DCP2: variants seen among roughly 807,000 people sequenced by gnomAD.
The protein encoded by DCP2 is m7GpppN-mRNA hydrolase.
A neutral mutation model predicts 56.1 loss-of-function variants in DCP2; 30 were observed. The ratio of observed to expected loss-of-function variants is 0.53; its 90% confidence interval spans 0.40 to 0.73. DCP2 has a LOEUF of 0.73. Ranked by LOEUF, DCP2 falls within the 30% of genes least tolerant of loss-of-function variation. DCP2 has a pLI of 0.00. For missense variants in DCP2, 533 were observed against 502.7 expected (o/e 1.06, Z -0.58); for synonymous variants, 197 against 163.3 (o/e 1.21, Z -1.57).
intron 1 of DCP2, among the ~76,000 whole-genome samples, chr5:112,980,656 T>A (rs575764111): frequency 6.6e-6 from 1 of 152,364 alleles, no homozygotes; most frequent in African/African-American, 2.4e-5. Flanking sequence ...TCAGCTCTTA[T>A]AAACTTAAGT....
chr5:112,991,432 C>G (rs1748582427), intron 2 of DCP2, among the ~76,000 whole-genome samples: 1 of 152,072 alleles, frequency 6.6e-6, no homozygotes, highest in African/African-American at 2.4e-5. Flanking sequence ...TTTACACTGC[C>G]CAGTTTTGGG....
At chr5:112,979,681 T>G (rs1253645786) in intron 1 of DCP2, among the ~76,000 whole-genome samples, 1 of 152,226 alleles carries the variant, frequency 6.6e-6, no homozygotes, top group Non-Finnish European at 1.5e-5. Flanking sequence ...AAAATGTGAC[T>G]TTGTAACCTT....
chr5:112,988,883 G>A (rs551927179), intron 2 of DCP2, among the ~76,000 whole-genome samples: 1 of 152,152 alleles, frequency 6.6e-6, no homozygotes, highest in Admixed American at 6.5e-5. Flanking sequence ...CATACTTTAG[G>A]GTTTTGGATA....
chr5:112,998,690 A>T (rs866125241), intron 4 of DCP2, among the ~76,000 whole-genome samples: 1 of 152,234 alleles, frequency 6.6e-6, no homozygotes, highest in African/African-American at 2.4e-5. Context: ...GATTAATTCA[A>T]AGAATAGACT....
chr5:112,987,673 C>T (rs1298750406), intron 2 of DCP2, among the ~76,000 whole-genome samples: 1 of 126,644 alleles, frequency 7.9e-6, no homozygotes, highest in Non-Finnish European at 1.6e-5. Context: ...GGGGTTTTGC[C>T]ATGCTGGCCA....
At chr5:113,012,623 A>AT (rs1580839272) in intron 10 of DCP2, among the ~76,000 whole-genome samples, 2 of 151,712 alleles carry the variant, frequency 1.3e-5, no homozygotes, top group East Asian at 1.9e-4. Flanking sequence ...GAAAATTTGG[A>AT]TTTTTCTTTT....
intron 4 of DCP2, among the ~76,000 whole-genome samples, chr5:112,997,847 T>C (rs1748938571): frequency 6.6e-6 from 1 of 152,140 alleles, no homozygotes; most frequent in South Asian, 2.1e-4. Context: ...ACTCCTGACC[T>C]CGTGATCCAC....
At position 113,017,520 on chromosome 5, in the gene DCP2, T is replaced by G. The variant is rs1323441745; in HGVS notation, c.*4036T>G. The G allele has an allele frequency of 6.6e-6, 1 of 152,208 alleles. No individual in the cohort carries two copies. Among genetic ancestry groups the G allele is most frequent in the Non-Finnish European group, 1.5e-5 (1 of 68,030 alleles). The allele number at this position is 152,208 out of a possible 1,614,324, so 9.4% of individuals were successfully genotyped here. On this transcript the variant is annotated 3_prime_UTR_variant, in exon 11 of 11. Transcript: ENST00000389063. ...GCTTTCTCAGCATCTTTTTGCTTCC[T>G]AGAATTGAGTTGCTCTTGAAGTCTG...
At position 112,985,847 on chromosome 5, in the gene DCP2, G is replaced by C; in HGVS notation, c.66G>C (p.Leu22Phe). The change falls in exon 2 of 11, where the codon TTG (leucine) becomes TTC (phenylalanine). Residue 22 changes from leucine (L) to phenylalanine (F), a missense_variant. Leu to Phe is a conservative substitution (Grantham distance 22). Around this residue, in one of 3 missense-constraint regions of DCP2, gnomAD observed 137 missense variants for 138.2 expected, o/e 0.99. Transcript: ENST00000389063. ...VLDDLCSRFI[L>F]HIPSEERDNA... ...TTGTTTTTGACAGCCGATTTATTTT[G>C]CATATTCCCAGCGAGGAAAGAGACA... 1 of 1,603,896 alleles carries C rather than the reference G, an allele frequency of 6.2e-7. No homozygotes were observed. The highest frequency in any genetic ancestry group is 8.5e-7 in the Non-Finnish European group (1 of 1,171,494).
intron 1 of DCP2, among the ~76,000 whole-genome samples, chr5:112,977,400 A>G (rs1187957262): frequency 6.6e-6 from 1 of 152,148 alleles, no homozygotes; most frequent in Admixed American, 6.5e-5. Flanking sequence ...TTCTGAAGGA[A>G]GACCCCCAGG....
At chr5:112,987,620 C>CTTTTT (rs562254738) in intron 2 of DCP2, among the ~76,000 whole-genome samples, 2,863 of 69,506 alleles carry the variant, frequency 0.041, 216 homozygotes, top group African/African-American at 0.073. Context: ...ACCTAGGTGC[C>CTTTTT]TTTTTTTTTT....
At chr5:112,977,039 G>A in intron 1 of DCP2, 53 bp downstream of exon 1, 1 of 1,428,660 alleles carries the variant, frequency 7.0e-7, no homozygotes, top group Non-Finnish European at 9.3e-7. Flanking sequence ...TCAGTTTCGC[G>A]GACCCCCAGA....
chr5:112,988,969 T>TA lies in DCP2; in HGVS notation c.205+2984dup, dbSNP rs138897982. ...AAACACCAACAACCTTTGTTTTAGGTATGTTTCATTTAGTTAACTAAGAAT... is the reference window on the plus strand; with the variant it reads ...AAACACCAACAACCTTTGTTTTAGGTAATGTTTCATTTAGTTAACTAAGAAT... On this transcript the variant is annotated intron_variant, in intron 2 of 10. Coordinates refer to ENST00000389063, the MANE Select transcript of DCP2 (RefSeq NM_152624.6). Among the ~76,000 whole-genome samples, 1,212 of 152,338 alleles carry TA rather than the reference T, an allele frequency of 8.0e-3. 13 individuals are homozygous for TA. Among genetic ancestry groups the TA allele is most frequent in the African/African-American group, 0.028 (1,173 of 41,566 alleles).
chr5:113,011,424 T>C (rs994442834), intron 10 of DCP2, among the ~76,000 whole-genome samples: 8 of 152,236 alleles, frequency 5.3e-5, no homozygotes, highest in Non-Finnish European at 1.5e-5. Flanking sequence ...CTTTGTTAAA[T>C]ACTGATTTAG....
In DCP2 at chr5:113,003,995, AC is replaced by A; in HGVS notation, c.862del (p.Gln288SerfsTer3). 1 of 1,614,152 alleles carries A rather than the reference AC, an allele frequency of 6.2e-7. No homozygotes were observed. Among genetic ancestry groups the A allele is most frequent in the Non-Finnish European group, 8.5e-7 (1 of 1,179,990 alleles). ...QQLFPDGSPG[D>X]QWVKHRQPLQ... ...TTATTTCCTGACGGTTCTCCTGGTG[AC>A]CAGTGGGTAAAGCACAGGCAACCAC... On this transcript the variant is annotated frameshift_variant, in exon 8 of 11. Transcript: ENST00000389063. LOFTEE classifies it high-confidence loss of function.
chr5:113,010,762 G>A lies in DCP2; in HGVS notation c.1054G>A (p.Glu352Lys), dbSNP rs1749651104. The A allele has an allele frequency of 6.3e-7, 1 of 1,581,342 alleles. No individual in the cohort carries two copies. The highest frequency in any genetic ancestry group is 8.6e-7 in the Non-Finnish European group (1 of 1,168,626). The change falls in exon 10 of 11, where the codon GAA (glutamate) becomes AAA (lysine). Residue 352 changes from glutamate to lysine, a missense_variant. Physicochemically the swap from Glu to Lys is moderately conservative, Grantham distance 56. Around this residue, in one of 3 missense-constraint regions of DCP2, gnomAD observed 392 missense variants for 346.6 expected, o/e 1.13. Coordinates refer to ENST00000389063, the MANE Select transcript of DCP2 (RefSeq NM_152624.6). ...AKQQNSLMKC[E>K]KKLHPRKLQD... ...TTTTTTTTTTTTTAAATAGAAGTGT[G>A]AAAAGAAACTTCATCCACGGAAACT...
Position 113,021,409 on chromosome 5 carries a change from C to CAGGA in DCP2, c.*7928_*7931dup. Among the ~76,000 whole-genome samples, 1 of 149,436 alleles carries CAGGA rather than the reference C, an allele frequency of 6.7e-6. No homozygotes were observed. Among genetic ancestry groups the CAGGA allele is most frequent in the African/African-American group, 2.5e-5 (1 of 40,470 alleles). On this transcript the variant is annotated 3_prime_UTR_variant, in exon 11 of 11. Transcript: ENST00000389063. ...ACCAAAAAAAAAAAAAAAAAACCCC[C>CAGGA]AGGAAGAAATATTGTCGAGAGTCTC...
intron 4 of DCP2, among the ~76,000 whole-genome samples, chr5:112,997,632 C>T (rs1401651213): frequency 1.4e-5 from 2 of 144,844 alleles, no homozygotes; most frequent in African/African-American, 2.6e-5. Flanking sequence ...TTTTTTGAGA[C>T]GGAGTCTTGT....
In DCP2 at chr5:113,020,388, A is replaced by G. The variant is rs2150198844; in HGVS notation, c.*6904A>G. 6.6e-6 allele frequency: 1 copy of G among 152,334 alleles called. No homozygotes were observed. The highest frequency in any genetic ancestry group is 2.4e-5 in the African/African-American group (1 of 41,574). 9.4% of individuals were successfully genotyped at this position (152,334 alleles called of 1,614,324 possible). On this transcript the variant is annotated 3_prime_UTR_variant, in exon 11 of 11. Transcript: ENST00000389063. ...GAAAGACTATAAGTGAATCTACTTCAAGGGATTCTGTTCATGGTGGTATAC... is the reference window on the plus strand; with the variant it reads ...GAAAGACTATAAGTGAATCTACTTCGAGGGATTCTGTTCATGGTGGTATAC...
Sources: allele counts gnomAD v4.1 joint callset (sites outside exome capture counted in the v4.1 genomes callset), GRCh38; gene constraint gnomAD v4.1.1; regional missense constraint gnomAD v4.1.1; transcripts MANE v1.5; gene names NCBI Gene and HGNC (gene_info 2026-07-23, HGNC 2026-07-21).